The following SGK1 variants were observed in gnomAD, a reference collection of about 807,000 sequenced individuals.
SGK1 encodes serum/glucocorticoid regulated kinase 1, also known as serine/threonine-protein kinase Sgk1.
In SGK1, 26 loss-of-function variants were observed where a neutral mutation model predicts 64.2. The observed-to-expected ratio is 0.40, with a 90% CI of 0.30 to 0.56. The LOEUF is 0.56. Among genes scored for constraint, SGK1 ranks in the 20% least tolerant of loss-of-function variants. The pLI is 0.38. For synonymous variants in SGK1, 265 were observed against 239.7 expected, an observed-to-expected ratio of 1.11 and a Z score of -0.98; for missense variants, 519 against 645.6, an observed-to-expected ratio of 0.80 and a Z score of 2.12.
intron 1 of SGK1, among the ~76,000 whole-genome samples, chr6:134,285,233 C>T (rs1042811841): frequency 2.0e-5 from 3 of 152,046 alleles, no homozygotes; most frequent in East Asian, 1.9e-4. Context: ...CCGAGGTGGG[C>T]AGATTGCCTG....
At chr6:134,283,949 T>G (rs971063925) in intron 1 of SGK1, among the ~76,000 whole-genome samples, 11 of 147,366 alleles carry the variant, frequency 7.5e-5, no homozygotes, top group Admixed American at 2.7e-4. Context: ...AAATAATGCA[T>G]TTTGGGTTTC....
intron 2 of SGK1, among the ~76,000 whole-genome samples, chr6:134,213,712 C>G (rs1775931178): frequency 6.6e-6 from 1 of 151,958 alleles, no homozygotes; most frequent in African/African-American, 2.4e-5. Flanking sequence ...AAAGAAGTGA[C>G]CAGCGCCTGG....
At chr6:134,231,016 A>G (rs900899211) in intron 2 of SGK1, among the ~76,000 whole-genome samples, 1 of 152,208 alleles carries the variant, frequency 6.6e-6, no homozygotes, top group Non-Finnish European at 1.5e-5. Context: ...GCTGACTCAA[A>G]AAAATGAAAT....
At chr6:134,290,077 G>T (rs1172566421) in intron 1 of SGK1, among the ~76,000 whole-genome samples, 1 of 149,984 alleles carries the variant, frequency 6.7e-6, no homozygotes. Context: ...TTGAACCCGT[G>T]AGGGGGAGGT....
At chr6:134,213,729 G>A (rs931667741) in intron 2 of SGK1, among the ~76,000 whole-genome samples, 1 of 152,062 alleles carries the variant, frequency 6.6e-6, no homozygotes, top group Non-Finnish European at 1.5e-5. Context: ...CTGGAGTTTG[G>A]CTCCTGGCTG....
At chr6:134,268,777 C>T (rs1034120893) in intron 1 of SGK1, among the ~76,000 whole-genome samples, 4 of 145,030 alleles carry the variant, frequency 2.8e-5, no homozygotes, top group Admixed American at 7.1e-5. Context: ...GACTGTTCTC[C>T]AAACCACACC....
At chr6:134,214,972 TCA>T in intron 2 of SGK1, 1 of 428,722 alleles carries the variant, frequency 2.3e-6, no homozygotes, top group Non-Finnish European at 4.6e-6. Flanking sequence ...GAATGTTTAA[TCA>T]CTATTGTTTT....
At chr6:134,179,618 A>G (rs1007726365) in intron 3 of SGK1, among the ~76,000 whole-genome samples, 6 of 151,858 alleles carry the variant, frequency 4.0e-5, no homozygotes, top group African/African-American at 1.5e-4. Flanking sequence ...CAGGTTGTAT[A>G]GTAATTATTA....
At chr6:134,260,368 A>AACCCC (rs1776746382) in intron 2 of SGK1, 1 of 57,348 alleles carries the variant, frequency 1.7e-5, no homozygotes, top group African/African-American at 6.1e-5. Flanking sequence ...CCTGTCCCCG[A>AACCCC]CCCCCACCCC....
In SGK1 at chr6:134,174,088, G is replaced by T; in HGVS notation, c.438-8C>A. On this transcript the variant is annotated splice_region_variant and splice_polypyrimidine_tract_variant and intron_variant, in intron 4 of 13. Coordinates refer to ENST00000367858, the MANE Select transcript of SGK1 (RefSeq NM_001143676.3). The stretch of plus-strand genomic sequence containing the variant: ...ATGGACTGAACTTCAGGGCTGCAGG[G>T]AATAAAGGGCACGATTTAGAATCCA... 6.2e-7 allele frequency: 1 copy of T among 1,609,206 alleles called. No homozygotes were observed.
chr6:134,302,939 G>A (rs186205980), intron 1 of SGK1, among the ~76,000 whole-genome samples: 91 of 151,996 alleles, frequency 6.0e-4, no homozygotes, highest in African/African-American at 2.1e-3. Flanking sequence ...GTTTTTAGTC[G>A]AGAAAGGGTT....
chr6:134,281,946 C>G (rs1777100683), intron 1 of SGK1, among the ~76,000 whole-genome samples: 1 of 152,230 alleles, frequency 6.6e-6, no homozygotes, highest in Middle Eastern at 3.4e-3. Context: ...CAATTTTCTC[C>G]TTGTGGGATG....
intron 2 of SGK1, among the ~76,000 whole-genome samples, chr6:134,244,753 C>T (rs6913681): frequency 6.6e-6 from 1 of 152,096 alleles, no homozygotes; most frequent in Admixed American, 6.5e-5. Flanking sequence ...CAGAGCTGTT[C>T]CTATTCGGCC....
chr6:134,285,352 C>T (rs1463194802), intron 1 of SGK1, among the ~76,000 whole-genome samples: 1 of 151,900 alleles, frequency 6.6e-6, no homozygotes, highest in Admixed American at 6.6e-5. Context: ...GTGGTGCATG[C>T]CTGTAGTCCC....
chr6:134,306,462 T>C (rs13216187), intron 1 of SGK1, among the ~76,000 whole-genome samples: 28,909 of 151,930 alleles, frequency 0.19, 3,606 homozygotes, highest in East Asian at 0.54. Flanking sequence ...ATAATGAGCA[T>C]GTTATGGAGG....
chr6:134,262,056 A>T lies in SGK1; in HGVS notation c.162T>A (p.Pro54=). 1 of 1,613,832 alleles carries T rather than the reference A, an allele frequency of 6.2e-7. No individual in the cohort carries two copies. Among genetic ancestry groups the T allele is most frequent in the East Asian group, 2.2e-5 (1 of 44,876 alleles). ...KYTGSSMVHI[P]PGEPDFESSL... is the part of the protein sequence containing the mutation. ...AAGACTCGAAGTCTGGCTCCCCTGG[A>T]GGGATGTGCACCATGGAGGAGCCGG... Residue 54 remains proline (P), a synonymous_variant, in exon 2 of 14, where the codon CCT becomes CCA. Transcript: ENST00000367858.
intron 1 of SGK1, among the ~76,000 whole-genome samples, chr6:134,268,531 G>C (rs540128617): frequency 2.2e-4 from 34 of 151,202 alleles, no homozygotes; most frequent in Non-Finnish European, 3.7e-4. Flanking sequence ...GACCATCCTG[G>C]CTAACACGGT....
At chr6:134,262,688 G>C (rs924586693) in intron 1 of SGK1, among the ~76,000 whole-genome samples, 7 of 151,868 alleles carry the variant, frequency 4.6e-5, no homozygotes, top group African/African-American at 1.7e-4. Context: ...GACAGAGCAA[G>C]ACTGTCTCCA....
At chr6:134,264,273 C>T (rs896737878) in intron 1 of SGK1, among the ~76,000 whole-genome samples, 1 of 151,998 alleles carries the variant, frequency 6.6e-6, no homozygotes, top group Non-Finnish European at 1.5e-5. Context: ...GCACCTGCCA[C>T]CATGCCTGGC....
Sources: allele counts gnomAD v4.1 joint callset (sites outside exome capture counted in the v4.1 genomes callset), GRCh38; gene constraint gnomAD v4.1.1; transcripts MANE v1.5; gene names NCBI Gene and HGNC (gene_info 2026-07-23, HGNC 2026-07-21).